Variants in VRK2 observed in about 807,000 individuals in gnomAD.
The protein encoded by VRK2 is VRK serine/threonine kinase 2, also known as serine/threonine-protein kinase VRK2.
In VRK2, 60 loss-of-function variants were observed where a neutral mutation model predicts 57.6. The observed-to-expected ratio is 1.04, with a 90% CI of 0.85 to 1.29. The LOEUF is 1.29. Among genes scored for constraint, VRK2 ranks in the 50% most tolerant of loss-of-function variants. The pLI is 0.00. For synonymous variants in VRK2, 231 were observed against 199.2 expected (o/e 1.16, Z -1.35); for missense variants, 705 against 588.1 (o/e 1.20, Z -2.06).
chr2:57,983,165 G>T (rs554618441), intron 1 of VRK2, among the ~76,000 whole-genome samples: 57 of 152,180 alleles, frequency 3.7e-4, no homozygotes, highest in African/African-American at 1.3e-3. Flanking sequence ...AGAGTATGCT[G>T]ATCTACTTGA....
intron 1 of VRK2, among the ~76,000 whole-genome samples, chr2:57,986,613 T>G (rs2104067469): frequency 6.7e-6 from 1 of 149,210 alleles, no homozygotes; most frequent in Non-Finnish European, 1.5e-5. Flanking sequence ...TTTTTTTTTT[T>G]TTTGAGATGG....
chr2:58,125,268 T>G (rs1678166730), intron 8 of VRK2, among the ~76,000 whole-genome samples: 1 of 152,168 alleles, frequency 6.6e-6, no homozygotes, highest in Non-Finnish European at 1.5e-5. Context: ...GTTGGTATGG[T>G]CAGTGTTTGG....
At chr2:57,988,100 C>A (rs189648797) in intron 1 of VRK2, among the ~76,000 whole-genome samples, 1 of 152,034 alleles carries the variant, frequency 6.6e-6, no homozygotes, top group Non-Finnish European at 1.5e-5. Flanking sequence ...CACAACTGTA[C>A]ATATCTTTGC....
At chr2:58,072,968 A>C (rs1572951522) in intron 2 of VRK2, among the ~76,000 whole-genome samples, 1 of 152,034 alleles carries the variant, frequency 6.6e-6, no homozygotes, top group South Asian at 2.1e-4. Flanking sequence ...CAATGCTATA[A>C]ATTTCCCTTT....
At chr2:57,944,596 C>T (rs1462142877) in intron 1 of VRK2, among the ~76,000 whole-genome samples, 2 of 152,012 alleles carry the variant, frequency 1.3e-5, no homozygotes, top group Non-Finnish European at 2.9e-5. Flanking sequence ...ATTGGTCAGG[C>T]GTGGTGGCGG....
chr2:58,102,763 C>G (rs572839974), intron 7 of VRK2, among the ~76,000 whole-genome samples: 1 of 151,542 alleles, frequency 6.6e-6, no homozygotes, highest in African/African-American at 2.4e-5. Flanking sequence ...AACAGATATT[C>G]CAAGAGCTGC....
intron 2 of VRK2, among the ~76,000 whole-genome samples, chr2:58,059,343 T>C (rs1443746416): frequency 6.6e-6 from 1 of 152,026 alleles, no homozygotes; most frequent in East Asian, 1.9e-4. Flanking sequence ...TACATTTGTT[T>C]TGAGTCAAAT....
At chr2:57,988,952 G>T (rs1672681483) in intron 1 of VRK2, among the ~76,000 whole-genome samples, 3 of 152,156 alleles carry the variant, frequency 2.0e-5, no homozygotes, top group African/African-American at 7.2e-5. Flanking sequence ...GCACATTCTA[G>T]CTCCTAATTT....
chr2:57,941,099 G>GA (rs1189122978), intron 1 of VRK2, among the ~76,000 whole-genome samples: 3 of 152,110 alleles, frequency 2.0e-5, no homozygotes, highest in Admixed American at 1.3e-4. Flanking sequence ...CAGTTTCCTA[G>GA]AAAAACTTTA....
At chr2:57,932,805 T>C (rs964717421) in intron 1 of VRK2, among the ~76,000 whole-genome samples, 2 of 152,156 alleles carry the variant, frequency 1.3e-5, no homozygotes, top group African/African-American at 4.8e-5. Flanking sequence ...TTTTTCTTTG[T>C]TCTTCATGTA....
chr2:57,950,985 A>C (rs992453039), intron 1 of VRK2, among the ~76,000 whole-genome samples: 3 of 152,062 alleles, frequency 2.0e-5, no homozygotes, highest in African/African-American at 7.2e-5. Flanking sequence ...CCAGCTACTC[A>C]GGAGGCTGAG....
intron 1 of VRK2, among the ~76,000 whole-genome samples, chr2:58,009,870 A>C (rs1354027643): frequency 6.6e-6 from 1 of 151,998 alleles, no homozygotes; most frequent in Non-Finnish European, 1.5e-5. Context: ...CTACTTACCC[A>C]TCCTTTAATG....
intron 2 of VRK2, among the ~76,000 whole-genome samples, chr2:58,081,442 T>G (rs1290570553): frequency 6.6e-6 from 1 of 152,026 alleles, no homozygotes; most frequent in Non-Finnish European, 1.5e-5. Context: ...TTGTATTTTT[T>G]TATTTATTCT....
chr2:58,028,743 G>T (rs1167257709), intron 2 of VRK2, among the ~76,000 whole-genome samples: 2 of 151,016 alleles, frequency 1.3e-5, no homozygotes, highest in Admixed American at 1.3e-4. Context: ...TTGTGGGGTT[G>T]GGGGAGTGGG....
At chr2:57,988,785 C>T (rs1228866890) in intron 1 of VRK2, among the ~76,000 whole-genome samples, 1 of 152,194 alleles carries the variant, frequency 6.6e-6, no homozygotes, top group Non-Finnish European at 1.5e-5. Flanking sequence ...CACCAATTTC[C>T]CGGTTCCCTG....
intron 1 of VRK2, among the ~76,000 whole-genome samples, chr2:57,976,984 C>T (rs892388951): frequency 6.6e-6 from 1 of 151,894 alleles, no homozygotes; most frequent in South Asian, 2.1e-4. Flanking sequence ...AGAGAGAGTC[C>T]TTTCCCTATT....
chr2:58,095,161 G>A (rs1672955214), intron 7 of VRK2, among the ~76,000 whole-genome samples: 1 of 152,066 alleles, frequency 6.6e-6, no homozygotes, highest in Non-Finnish European at 1.5e-5. Flanking sequence ...GGGCGTGGTG[G>A]CAGGTGCCTG....
chr2:58,043,534 T>C (rs1324948167), upstream of VRK2, among the ~76,000 whole-genome samples: 2 of 152,198 alleles, frequency 1.3e-5, no homozygotes, highest in Non-Finnish European at 2.9e-5. Flanking sequence ...GCATTGTGTT[T>C]TTGATATTCA....
At chr2:58,010,775 T>G (rs141804534) in intron 1 of VRK2, among the ~76,000 whole-genome samples, 29 of 152,250 alleles carry the variant, frequency 1.9e-4, no homozygotes, top group African/African-American at 6.3e-4. Context: ...CTGGGCTAAT[T>G]GTTTGTTGTC....
Sources: gnomAD v4.1 joint callset for allele counts (sites outside exome capture counted in the v4.1 genomes callset) on GRCh38, gnomAD v4.1.1 for gene constraint, MANE v1.5 for transcripts, NCBI Gene and HGNC (gene_info 2026-07-23, HGNC 2026-07-21) for gene names.